Variants in STAB2 observed in about 807,000 individuals in gnomAD.
STAB2 encodes the protein stabilin 2, also known as stabilin-2.
A neutral mutation model predicts 338.1 loss-of-function variants in STAB2; 288 were observed. That is an observed-to-expected ratio of 0.85 (90% CI 0.77 to 0.94). The LOEUF (loss-of-function observed/expected upper bound fraction) is 0.94. STAB2 is among the 40% of genes least tolerant of loss of function. STAB2 has a pLI of 0.00. For missense variants in STAB2, 3,141 were observed against 3,210.1 expected (o/e 0.98, Z 0.52); for synonymous variants, 1,202 against 1,193.3 (o/e 1.01, Z -0.15).
chr12:103,740,225 A>G (rs1000387984), intron 54 of STAB2, among the ~76,000 whole-genome samples: 4 of 152,192 alleles, frequency 2.6e-5, no homozygotes, highest in African/African-American at 9.7e-5. Context: ...AGTAAAACCT[A>G]TAACAAAAAT....
At chr12:103,747,074 A>C (rs1185431393) in intron 58 of STAB2, among the ~76,000 whole-genome samples, 1 of 150,288 alleles carries the variant, frequency 6.7e-6, no homozygotes, top group African/African-American at 2.5e-5. Flanking sequence ...CTCCTGCCTC[A>C]GCCTCCCAAG....
chr12:103,635,506 T>A (rs1369901338), intron 6 of STAB2, among the ~76,000 whole-genome samples: 1 of 152,198 alleles, frequency 6.6e-6, no homozygotes, highest in African/African-American at 2.4e-5. Context: ...ATTTGGCCAC[T>A]GCACACTGTC....
At chr12:103,670,629 G>T (rs1875675380) in intron 21 of STAB2, 67 bp from the exon 22 acceptor site, 1 of 1,240,836 alleles carries the variant, frequency 8.1e-7, no homozygotes, top group South Asian at 1.3e-5. Context: ...AAGAAGTCAG[G>T]CCATGAAATG....
intron 7 of STAB2, 73 bp from the exon 8 acceptor site, chr12:103,637,943 G>A (rs1957575338): frequency 3.4e-6 from 5 of 1,486,680 alleles, no homozygotes; most frequent in South Asian, 2.5e-5. Context: ...TTGATCCACT[G>A]TTGCTCACGG....
intron 43 of STAB2, 92 bp from the exon 44 acceptor site, chr12:103,717,678 A>T: frequency 1.0e-6 from 1 of 999,126 alleles, no homozygotes; most frequent in Non-Finnish European, 1.6e-6. Context: ...CATTACCATG[A>T]CCATGATGGA....
chr12:103,661,960 A>G (rs1190011399), intron 17 of STAB2, among the ~76,000 whole-genome samples: 2 of 152,158 alleles, frequency 1.3e-5, no homozygotes. Flanking sequence ...ACTTGGAATG[A>G]GAGGAGAAGC....
chr12:103,648,733 T>C lies in STAB2; in HGVS notation c.1084T>C (p.Tyr362His), dbSNP rs1219907404. The C allele has an allele frequency of 6.2e-7, 1 of 1,614,120 alleles. No homozygotes were observed. The highest frequency in any genetic ancestry group is 1.7e-5 in the Admixed American group (1 of 59,998). ...TTACGTGGGTGATGGCTTAACGTGT[T>C]ATGGAAACATTATGGAGCGACTCAG... ...KGYVGDGLTC[Y>H]GNIMERLREL... Residue 362 changes from tyrosine (Y) to histidine (H), a missense_variant, in exon 10 of 69, where the codon TAT becomes CAT. By Grantham distance (83) the Tyr-to-His change is moderately conservative. Transcript: ENST00000388887.
At chr12:103,591,503 T>C (rs915873282) in intron 2 of STAB2, among the ~76,000 whole-genome samples, 3 of 152,146 alleles carry the variant, frequency 2.0e-5, no homozygotes, top group Admixed American at 6.6e-5. Flanking sequence ...AAATATATAT[T>C]GTTATTCATT....
intron 35 of STAB2, among the ~76,000 whole-genome samples, chr12:103,704,262 C>G (rs140542971): frequency 2.0e-3 from 306 of 152,268 alleles, no homozygotes; most frequent in African/African-American, 7.1e-3. Context: ...GAATCTGGCC[C>G]AATTCACTTA....
At chr12:103,759,081 A>C (rs765249324) in intron 64 of STAB2, 52 bp from the exon 65 acceptor site, 4 of 1,613,814 alleles carry the variant, frequency 2.5e-6, no homozygotes, top group Non-Finnish European at 3.4e-6. Context: ...TTAAAAAGAC[A>C]AAATATTGCT....
Position 103,656,002 on chromosome 12 carries a change from G to A in STAB2, c.1734+421G>A, listed in dbSNP as rs151290324. Among the ~76,000 whole-genome samples the A allele has an allele frequency of 4.2e-4, 64 of 152,300 alleles. No homozygotes were observed. The East Asian group carries it at 5.6e-3, about 13-fold the overall frequency. On this transcript the variant is annotated intron_variant, in intron 15 of 68. Coordinates refer to ENST00000388887, the MANE Select transcript of STAB2 (RefSeq NM_017564.10). ...CTAGGCTAAACTTTAAAAAGAATAC[G>A]TGTTATTTTTAGATGCTTCAGCCTT...
intron 59 of STAB2, among the ~76,000 whole-genome samples, chr12:103,749,872 A>AAAAG (rs58406423): frequency 2.3e-5 from 3 of 131,480 alleles, no homozygotes; most frequent in African/African-American, 2.9e-5. Flanking sequence ...AAAAAAAAAA[A>AAAAG]GCTGGTAAGA....
intron 2 of STAB2, among the ~76,000 whole-genome samples, chr12:103,592,489 G>T (rs757253063): frequency 4.3e-4 from 65 of 152,208 alleles, no homozygotes; most frequent in Non-Finnish European, 7.9e-4. Context: ...ATCTATGCTG[G>T]AACAAACTCA....
At chr12:103,626,045 G>A (rs549601050) in intron 5 of STAB2, among the ~76,000 whole-genome samples, 5 of 152,168 alleles carry the variant, frequency 3.3e-5, no homozygotes, top group Admixed American at 6.5e-5. Flanking sequence ...TTTAATGATC[G>A]CCATTCTAAC....
intron 60 of STAB2, among the ~76,000 whole-genome samples, chr12:103,752,038 A>G (rs910942473): frequency 6.6e-6 from 1 of 152,184 alleles, no homozygotes; most frequent in African/African-American, 2.4e-5. Context: ...CGATTTGGTA[A>G]TGTGTGCAGC....
chr12:103,657,687 A>G (rs550665272), intron 15 of STAB2: 1 of 152,356 alleles, frequency 6.6e-6, no homozygotes, highest in Admixed American at 6.5e-5. Flanking sequence ...CTGCCTGCAA[A>G]GAACATGAAA....
intron 60 of STAB2, among the ~76,000 whole-genome samples, chr12:103,752,894 ATAAAG>A (rs1883789453): frequency 1.3e-5 from 2 of 152,250 alleles, no homozygotes; most frequent in Non-Finnish European, 1.5e-5. Flanking sequence ...TTACCAAAAA[ATAAAG>A]TAAAATTCTA....
chr12:103,653,512 T>C (rs1873897660), intron 12 of STAB2, among the ~76,000 whole-genome samples: 1 of 151,846 alleles, frequency 6.6e-6, no homozygotes. Context: ...CTGCAGTGCA[T>C]GTGTGAAGAT....
chr12:103,708,274 G>C (rs1400309589), intron 38 of STAB2, among the ~76,000 whole-genome samples, 167 bp from the exon 39 acceptor site: 4 of 152,198 alleles, frequency 2.6e-5, no homozygotes, highest in Non-Finnish European at 5.9e-5. Flanking sequence ...GCTAGATTCT[G>C]TCTCCTGCAC....
Sources: allele counts gnomAD v4.1 joint callset (sites outside exome capture counted in the v4.1 genomes callset), GRCh38; gene constraint gnomAD v4.1.1; transcripts MANE v1.5; gene names NCBI Gene and HGNC (gene_info 2026-07-23, HGNC 2026-07-21).